Variants in CSNK1E observed in about 807,000 individuals in gnomAD.
CSNK1E encodes casein kinase 1 epsilon.
Under a neutral mutation model 46.1 loss-of-function variants are expected in CSNK1E, and 17 were observed. The ratio of observed to expected loss-of-function variants is 0.37; its 90% CI spans 0.25 to 0.55. CSNK1E has a LOEUF of 0.55. Among genes scored for constraint, CSNK1E ranks in the 20% least tolerant of loss-of-function variants. The pLI is 0.82. For synonymous variants in CSNK1E, 241 were observed against 242.6 expected (o/e 0.99, Z 0.06); for missense variants, 386 against 595.4 (o/e 0.65, Z 3.66).
chr22:38,299,609 C>T (rs1031247868), intron 6 of CSNK1E, among the ~76,000 whole-genome samples: 2 of 152,226 alleles, frequency 1.3e-5, no homozygotes, highest in South Asian at 2.1e-4. Flanking sequence ...CTGCAACCTC[C>T]GCTTCCCAGG....
In CSNK1E at chr22:38,294,346, C is replaced by T. The variant is rs749101630; in HGVS notation, c.1074G>A (p.Pro358=). Residue 358 remains proline, a synonymous_variant, in exon 8 of 11, where the codon CCG becomes CCA. Coordinates refer to ENST00000396832, the MANE Select transcript of CSNK1E (RefSeq NM_152221.3). The surrounding 1 kb of genome is among the most constrained non-coding windows in gnomAD (Gnocchi z 5.5). ...VASTPASRIQ[P]AGNTSPRAIS... ...ACTGCCTGAGTCCCTGCTCACCAGCCGGCTGGATGCGGGAGGCTGGCGTGG... is the reference window on the plus strand; with the variant it reads ...ACTGCCTGAGTCCCTGCTCACCAGCTGGCTGGATGCGGGAGGCTGGCGTGG... 23 of 1,572,850 alleles carry T rather than the reference C, an allele frequency of 1.5e-5. No individual in the cohort carries two copies. Among genetic ancestry groups the T allele is most frequent in the Non-Finnish European group, 1.7e-5 (20 of 1,162,726 alleles).
At position 38,293,277 on chromosome 22, in the gene CSNK1E, G is replaced by C; in HGVS notation, c.*10C>G. 1 of 1,613,148 alleles carries C rather than the reference G, an allele frequency of 6.2e-7. No homozygotes were observed. The highest frequency in any genetic ancestry group is 8.5e-7 in the Non-Finnish European group (1 of 1,179,760). On this transcript the variant is annotated 3_prime_UTR_variant, in exon 10 of 11. Coordinates refer to ENST00000396832, the MANE Select transcript of CSNK1E (RefSeq NM_152221.3). ...CACCTAAGCAAACACTGGTCCAATG[G>C]GGGCTCTCCTCACTTCCCGAGATGG... is the stretch of plus-strand genomic sequence containing the variant.
rs373719442 is a variant in CSNK1E at position 38,294,443 on chromosome 22, C to T, written c.977G>A (p.Arg326Gln). ...CGTGGGTGGGCCAGGGGGCAGGGCT[C>T]GGGTCGCGGACCCCCGTAGCTGCCC... ...RMGQLRGSAT[R>Q]ALPPGPPTGA... The change falls in exon 8 of 11, where the codon CGA becomes CAA. Residue 326 changes from arginine to glutamine, a missense_variant. Arg to Gln is a conservative substitution (Grantham distance 43). Coordinates refer to ENST00000396832, the MANE Select transcript of CSNK1E (RefSeq NM_152221.3). This position sits in a 1 kb window ranked among gnomAD's most constrained non-coding sequence, Gnocchi z 5.5. 67 of 1,570,648 alleles carry T rather than the reference C, an allele frequency of 4.3e-5. No individual in the cohort carries two copies. Among genetic ancestry groups the T allele is most frequent in the Non-Finnish European group, 3.2e-5 (37 of 1,160,528 alleles).
At chr22:38,307,720 A>G (rs1020322135) in intron 2 of CSNK1E, among the ~76,000 whole-genome samples, 2 of 152,100 alleles carry the variant, frequency 1.3e-5, no homozygotes, top group Non-Finnish European at 2.9e-5. Context: ...TTTTTGAGAC[A>G]GGGTCTCAAT....
chr22:38,304,839 C>G (rs191207234), intron 2 of CSNK1E, among the ~76,000 whole-genome samples: 39 of 152,260 alleles, frequency 2.6e-4, no homozygotes, highest in African/African-American at 8.9e-4. Flanking sequence ...ACATTCTACC[C>G]GAGGCCAGGC....
intron 2 of CSNK1E, among the ~76,000 whole-genome samples, chr22:38,304,551 G>A (rs755119019): frequency 1.3e-5 from 2 of 152,154 alleles, no homozygotes; most frequent in African/African-American, 4.8e-5. Flanking sequence ...ATGGACACAG[G>A]AGCAAACAGC....
At chr22:38,314,697 T>A (rs565901135) in intron 1 of CSNK1E, among the ~76,000 whole-genome samples, 3 of 152,234 alleles carry the variant, frequency 2.0e-5, no homozygotes, top group Admixed American at 2.0e-4. Context: ...CCATAGCCGC[T>A]TGGATAAACT....
chr22:38,306,499 G>A (rs9607528), intron 2 of CSNK1E, among the ~76,000 whole-genome samples: 96,021 of 152,048 alleles, frequency 0.63, 32,629 homozygotes, highest in East Asian at 0.8. Context: ...TTGAGAGGCC[G>A]AGGCAGGCGG....
Position 38,303,312 on chromosome 22 carries a change from C to T in CSNK1E, c.77-64G>A, listed in dbSNP as rs746049141. ...CAAAGGCCAGGCAGTCCCAGGCGCC[C>T]CACTAAGCATTTCTGAGATCTGGCG... On this transcript the variant is annotated intron_variant, in intron 2 of 10. Coordinates refer to ENST00000396832, the MANE Select transcript of CSNK1E (RefSeq NM_152221.3). The surrounding 1 kb of genome is among the most constrained non-coding windows in gnomAD (Gnocchi z 4.7). The T allele has an allele frequency of 1.9e-4, 257 of 1,376,170 alleles. No homozygotes were observed. Among genetic ancestry groups the T allele is most frequent in the Non-Finnish European group, 2.3e-4 (232 of 1,007,502 alleles). The allele number at this position is 1,376,170 out of a possible 1,614,324, so 85.2% of individuals were successfully genotyped here.
chr22:38,294,455 C>A lies in CSNK1E; in HGVS notation c.965G>T (p.Gly322Val), dbSNP rs764185831. 7 of 1,581,548 alleles carry A rather than the reference C, an allele frequency of 4.4e-6. No homozygotes were observed. The highest frequency in any genetic ancestry group is 6.0e-6 in the Non-Finnish European group (7 of 1,165,716). ...AGGGGGCAGGGCTCGGGTCGCGGAC[C>A]CCCGTAGCTGCCCCATCCTCTCCTC... Reference protein sequence around the residue: ...EREERMGQLRGSATRALPPGP... With the variant: ...EREERMGQLRVSATRALPPGP... Residue 322 changes from glycine to valine, a missense_variant, in exon 8 of 11, where the codon GGG becomes GTG. Transcript: ENST00000396832. The surrounding 1 kb of genome is among the most constrained non-coding windows in gnomAD (Gnocchi z 5.5).
intron 6 of CSNK1E, among the ~76,000 whole-genome samples, chr22:38,299,211 G>A (rs181392856): frequency 5.7e-4 from 87 of 152,320 alleles, no homozygotes; most frequent in Admixed American, 2.5e-3. Context: ...AGCCATCCAT[G>A]CCCACAGCTC....
chr22:38,304,585 C>T (rs1047538969), intron 2 of CSNK1E, among the ~76,000 whole-genome samples: 1 of 152,120 alleles, frequency 6.6e-6, no homozygotes, highest in African/African-American at 2.4e-5. Flanking sequence ...AGCAGAAGAA[C>T]AGGAACAGTG....
intron 7 of CSNK1E, chr22:38,296,456 AG>A: frequency 1.3e-6 from 2 of 1,501,368 alleles, no homozygotes; most frequent in Non-Finnish European, 1.8e-6. Flanking sequence ...TAGCATGGGA[AG>A]GGCCTGGCCT....
In CSNK1E at chr22:38,290,788, C is replaced by T. The variant is rs1339755803; in HGVS notation, c.*1183G>A. ...ACAGGAAAAAAGTACAAAATTCCCC[C>T]CAAAGTTCTTCAGTTTTTTTTTTTT... On this transcript the variant is annotated 3_prime_UTR_variant, in exon 11 of 11. Transcript: ENST00000396832. The T allele has an allele frequency of 1.3e-5, 2 of 151,328 alleles. No homozygotes were observed. The highest frequency in any genetic ancestry group is 2.9e-5 in the Non-Finnish European group (2 of 67,830). 9.4% of individuals were successfully genotyped at this position (151,328 alleles called of 1,614,324 possible).
rs143915970 is a variant in CSNK1E at position 38,307,261 on chromosome 22, T to C, written c.77-4013A>G. 3.2e-3 allele frequency among the ~76,000 whole-genome samples: 485 copies of C among 152,190 alleles called. 3 individuals carry two copies. The highest frequency in any genetic ancestry group is 0.011 in the African/African-American group (461 of 41,518). ...ACATTGTATTAGGTATTATAAGTGATCTAGAGATGATTTAAAGTATATGGA... is the reference window on the plus strand; with the variant it reads ...ACATTGTATTAGGTATTATAAGTGACCTAGAGATGATTTAAAGTATATGGA... On this transcript the variant is annotated intron_variant, in intron 2 of 10. Transcript: ENST00000396832.
chr22:38,316,902 A>C (rs1235674116), intron 1 of CSNK1E: 1 of 151,856 alleles, frequency 6.6e-6, no homozygotes, highest in African/African-American at 2.4e-5. Context: ...AGCGGGGGGA[A>C]GCGGAGGCAG....
Position 38,294,462 on chromosome 22 carries a change from G to T in CSNK1E, c.958C>A (p.Leu320Ile). 1.3e-6 allele frequency: 2 copies of T among 1,585,166 alleles called. No individual in the cohort carries two copies. The highest frequency in any genetic ancestry group is 2.3e-5 in the East Asian group (1 of 42,668). ...EHEREERMGQ[L>I]RGSATRALPP... Reference sequence around the variant, plus strand: ...AGGGCTCGGGTCGCGGACCCCCGTAGCTGCCCCATCCTCTCCTCGCGTTCG... The same window carrying T: ...AGGGCTCGGGTCGCGGACCCCCGTATCTGCCCCATCCTCTCCTCGCGTTCG... The change falls in exon 8 of 11, where the codon CTA becomes ATA. Residue 320 changes from leucine (L) to isoleucine (I), a missense_variant. By Grantham distance (5) the Leu-to-Ile change is conservative (BLOSUM62 2). Transcript: ENST00000396832. This position sits in a 1 kb window ranked among gnomAD's most constrained non-coding sequence, Gnocchi z 5.5.
At chr22:38,299,573 G>A (rs1006618096) in intron 6 of CSNK1E, among the ~76,000 whole-genome samples, 4 of 152,234 alleles carry the variant, frequency 2.6e-5, no homozygotes, top group Non-Finnish European at 5.9e-5. Context: ...ACCCAGACTG[G>A]AGTGCAATGG....
At chr22:38,316,507 C>A (rs1217680577) in intron 1 of CSNK1E, among the ~76,000 whole-genome samples, 4 of 152,238 alleles carry the variant, frequency 2.6e-5, no homozygotes, top group Non-Finnish European at 5.9e-5. Context: ...AATCCTCTAA[C>A]GACACCCAGA....
Sources: allele counts gnomAD v4.1 joint callset (sites outside exome capture counted in the v4.1 genomes callset), GRCh38; gene constraint gnomAD v4.1.1; non-coding constraint Gnocchi (gnomAD v3.1); transcripts MANE v1.5; gene names NCBI Gene and HGNC (gene_info 2026-07-23, HGNC 2026-07-21).